Variants in SYT9 observed in about 807,000 individuals in gnomAD.
SYT9 encodes the protein synaptotagmin-9.
In SYT9, 22 loss-of-function variants were observed where a neutral mutation model predicts 48.4. That is an observed-to-expected ratio of 0.45 (90% CI 0.32 to 0.65). The LOEUF (loss-of-function observed/expected upper bound fraction) is 0.65. Among genes scored for constraint, SYT9 ranks in the 30% least tolerant of loss-of-function variants. The pLI, the probability that SYT9 is intolerant of heterozygous loss-of-function variation, is 0.03. For synonymous variants in SYT9, 265 were observed against 245.0 expected (o/e 1.08, Z -0.76); for missense variants, 577 against 622.0 (o/e 0.93, Z 0.77).
chr11:7,407,360 A>ATTT lies in SYT9; in HGVS notation c.1045-8653_1045-8651dup, dbSNP rs756378336. Among the ~76,000 whole-genome samples the ATTT allele has an allele frequency of 7.8e-3, 296 of 37,770 alleles. 60 individuals carry two copies. The highest frequency in any genetic ancestry group is 9.3e-3 in the Non-Finnish European group (224 of 23,964). The allele number at this position is 37,770 out of a possible 152,430, so 24.8% of individuals were successfully genotyped here. A position where few individuals can be genotyped will look rare whatever the true frequency, so the allele number is the denominator to read the frequency against. ...CTCAGGTCTTATGTTTAAGTCTATAATTTTTTTTTTTTTTTTTTTTTTTTT... is the reference window on the plus strand; with the variant it reads ...CTCAGGTCTTATGTTTAAGTCTATAATTTTTTTTTTTTTTTTTTTTTTTTTTTT... On this transcript the variant is annotated intron_variant, in intron 3 of 6. Transcript: ENST00000318881.
intron 1 of SYT9, among the ~76,000 whole-genome samples, chr11:7,239,090 C>T (rs552326543): frequency 6.6e-6 from 1 of 152,266 alleles, no homozygotes; most frequent in South Asian, 2.1e-4. Flanking sequence ...GATATTCTTT[C>T]ATACATTTTG....
chr11:7,356,992 A>T (rs1391769806), intron 3 of SYT9, among the ~76,000 whole-genome samples: 1 of 152,178 alleles, frequency 6.6e-6, no homozygotes, highest in East Asian at 1.9e-4. Context: ...AAAATACAAG[A>T]TACTCAAGGA....
At chr11:7,391,266 T>C (rs572254840) in intron 3 of SYT9, among the ~76,000 whole-genome samples, 2 of 152,248 alleles carry the variant, frequency 1.3e-5, no homozygotes, top group South Asian at 4.1e-4. Flanking sequence ...GCAGTGAACA[T>C]ACAAGTGCAC....
chr11:7,365,429 A>G (rs1850221991), intron 3 of SYT9, among the ~76,000 whole-genome samples: 1 of 152,190 alleles, frequency 6.6e-6, no homozygotes, highest in South Asian at 2.1e-4. Context: ...TTTAGAGTAC[A>G]TCAGGTTCTG....
chr11:7,347,501 C>T (rs559868062), intron 3 of SYT9, among the ~76,000 whole-genome samples: 1 of 152,258 alleles, frequency 6.6e-6, no homozygotes, highest in East Asian at 1.9e-4. Flanking sequence ...TCCCAAAGTG[C>T]TGGGATTAGA....
At chr11:7,356,922 C>T (rs1033530298) in intron 3 of SYT9, among the ~76,000 whole-genome samples, 2 of 151,896 alleles carry the variant, frequency 1.3e-5, no homozygotes, top group Admixed American at 6.6e-5. Context: ...AATGGTGGAC[C>T]GTAAGCAAAT....
At chr11:7,294,083 G>T (rs1435574470) in intron 1 of SYT9, among the ~76,000 whole-genome samples, 1 of 152,178 alleles carries the variant, frequency 6.6e-6, no homozygotes. Context: ...TATTTTCTGT[G>T]TCCTCATATG....
chr11:7,316,085 G>A (rs1446299900), intron 3 of SYT9, among the ~76,000 whole-genome samples: 1 of 150,476 alleles, frequency 6.6e-6, no homozygotes, highest in Non-Finnish European at 1.5e-5. Flanking sequence ...TTTGTATAGA[G>A]ACTGAACATA....
chr11:7,393,749 T>A (rs530590393), intron 3 of SYT9, among the ~76,000 whole-genome samples: 12 of 152,248 alleles, frequency 7.9e-5, no homozygotes, highest in South Asian at 2.1e-4. Flanking sequence ...GGTTTTTTTT[T>A]ATTACTGATT....
intron 3 of SYT9, among the ~76,000 whole-genome samples, chr11:7,360,677 A>G (rs1331274388): frequency 6.6e-6 from 1 of 152,192 alleles, no homozygotes; most frequent in Non-Finnish European, 1.5e-5. Flanking sequence ...AGCTTTATTC[A>G]TAAAGGCAAT....
In SYT9 at chr11:7,252,776, C is replaced by G. The variant is rs1176992709; in HGVS notation, c.145+445C>G. 6.6e-6 allele frequency among the ~76,000 whole-genome samples: 1 copy of G among 152,250 alleles called. No individual in the cohort carries two copies. Among genetic ancestry groups the G allele is most frequent in the Non-Finnish European group, 1.5e-5 (1 of 68,048 alleles). On this transcript the variant is annotated intron_variant, in intron 1 of 6. Transcript: ENST00000318881. The surrounding 1 kb of genome is among the most constrained non-coding windows in gnomAD (Gnocchi z 6.3). ...GGCCCCGGGTTGGGGCCGAATCCCA[C>G]CGGGTGCTGCTCATCCTTTCTCCCA...
chr11:7,351,094 GT>G (rs1241150218), intron 3 of SYT9, among the ~76,000 whole-genome samples: 1 of 152,082 alleles, frequency 6.6e-6, no homozygotes, highest in Non-Finnish European at 1.5e-5. Flanking sequence ...AATAACTAGG[GT>G]TTTAAAAAAT....
intron 1 of SYT9, among the ~76,000 whole-genome samples, chr11:7,287,487 ACAT>A (rs1377546913): frequency 2.6e-5 from 4 of 152,236 alleles, no homozygotes. Context: ...ACCCTGACCA[ACAT>A]CAGTCTCAGC....
At chr11:7,375,897 C>T (rs969088725) in intron 3 of SYT9, among the ~76,000 whole-genome samples, 2 of 152,016 alleles carry the variant, frequency 1.3e-5, no homozygotes, top group Admixed American at 6.6e-5. Flanking sequence ...TGAACCACTT[C>T]CCCCTAGATA....
intron 3 of SYT9, among the ~76,000 whole-genome samples, chr11:7,363,708 A>G (rs918895149): frequency 1.3e-5 from 2 of 152,188 alleles, no homozygotes; most frequent in African/African-American, 2.4e-5. Context: ...AAGGAGAGGC[A>G]AGAGAATCTA....
intron 3 of SYT9, among the ~76,000 whole-genome samples, chr11:7,362,698 T>C (rs1850166179): frequency 6.6e-6 from 1 of 151,622 alleles, no homozygotes; most frequent in South Asian, 2.1e-4. Flanking sequence ...TGGTTAGTAC[T>C]TATCGCATAT....
intron 1 of SYT9, among the ~76,000 whole-genome samples, chr11:7,265,175 C>A (rs1360594263): frequency 1.3e-5 from 2 of 152,026 alleles, no homozygotes; most frequent in African/African-American, 4.8e-5. Context: ...GTGCTTATAA[C>A]TTATTAGGTT....
intron 1 of SYT9, among the ~76,000 whole-genome samples, chr11:7,260,207 A>G (rs1182831163): frequency 6.6e-6 from 1 of 152,234 alleles, no homozygotes; most frequent in Non-Finnish European, 1.5e-5. Context: ...ACATAAAACA[A>G]TAATGGCAAT....
chr11:7,254,263 C>G (rs553547330), intron 1 of SYT9, among the ~76,000 whole-genome samples: 1 of 152,282 alleles, frequency 6.6e-6, no homozygotes, highest in East Asian at 1.9e-4. Flanking sequence ...GAAGTAGCCC[C>G]ATGCCCCTGT....
Sources: gnomAD v4.1 joint callset for allele counts (sites outside exome capture counted in the v4.1 genomes callset) on GRCh38, gnomAD v4.1.1 for gene constraint, Gnocchi (gnomAD v3.1) non-coding constraint, MANE v1.5 for transcripts, NCBI Gene and HGNC (gene_info 2026-07-23, HGNC 2026-07-21) for gene names.